Variants in ELL observed in about 807,000 individuals in gnomAD.
The protein encoded by ELL is elongation factor for RNA polymerase II, also known as RNA polymerase II elongation factor ELL.
ELL carries 18 observed loss-of-function variants against 64.0 expected under a neutral mutation model. That is an observed-to-expected ratio of 0.28 (90% CI 0.19 to 0.42). The LOEUF is 0.42. ELL is among the 10% of genes least tolerant of loss of function. The pLI is 1.00. For missense variants in ELL, 797 were observed against 870.4 expected (o/e 0.92, Z 1.06); for synonymous variants, 399 against 376.2 (o/e 1.06, Z -0.70).
chr19:18,450,006 C>T (rs932949906), intron 8 of ELL, among the ~76,000 whole-genome samples: 1 of 152,186 alleles, frequency 6.6e-6, no homozygotes, highest in Admixed American at 6.5e-5. Context: ...AGGTGCTATC[C>T]CTCTCCCACC....
intron 1 of ELL, among the ~76,000 whole-genome samples, chr19:18,509,704 G>A (rs1303335430): frequency 6.7e-6 from 1 of 150,198 alleles, no homozygotes; most frequent in African/African-American, 2.4e-5. Context: ...GAAGTAGGTG[G>A]ATTCCACCTG....
In ELL at chr19:18,443,966, C is replaced by T; in HGVS notation, c.*786G>A. The T allele has an allele frequency of 4.3e-6, 1 of 232,414 alleles. No individual in the cohort carries two copies. Among genetic ancestry groups the T allele is most frequent in the East Asian group, 6.1e-5 (1 of 16,446 alleles). The allele number at this position is 232,414 out of a possible 1,614,324, so 14.4% of individuals were successfully genotyped here. A position where few individuals can be genotyped will look rare whatever the true frequency, so the allele number is the denominator to read the frequency against. ...CGCAAAGAAAAGTCTGACGCCGCTG[C>T]GGCCGAGTCTCAACTTGGAGCACAG... is the stretch of plus-strand genomic sequence containing the variant. On this transcript the variant is annotated 3_prime_UTR_variant, in exon 12 of 12. Transcript: ENST00000262809.
intron 11 of ELL, 137 bp downstream of exon 11, chr19:18,445,087 G>A: frequency 1.5e-6 from 2 of 1,291,526 alleles, no homozygotes; most frequent in Non-Finnish European, 2.2e-6. Context: ...GGGTGGTGGG[G>A]CAACTTTGGC....
intron 1 of ELL, among the ~76,000 whole-genome samples, chr19:18,513,390 T>C (rs924740405): frequency 1.3e-5 from 2 of 152,190 alleles, no homozygotes; most frequent in African/African-American, 4.8e-5. Flanking sequence ...GGCTCCACGA[T>C]GCACAGAAGG....
At position 18,509,703 on chromosome 19, in the gene ELL, G is replaced by A. The variant is rs978628487; in HGVS notation, c.135+12218C>T. On this transcript the variant is annotated intron_variant, in intron 1 of 11. Coordinates refer to ENST00000262809, the MANE Select transcript of ELL (RefSeq NM_006532.4). The stretch of plus-strand genomic sequence containing the variant: ...CCTGGGGCTCCTCCTGGAAGTAGGT[G>A]GATTCCACCTGCCCACAGGATCCTA... 1.8e-4 allele frequency among the ~76,000 whole-genome samples: 27 copies of A among 150,586 alleles called. 1 individual carries two copies. The highest frequency in any genetic ancestry group is 5.8e-4 in the African/African-American group (24 of 41,078).
In ELL at chr19:18,461,075, C is replaced by T. The variant is rs182563555; in HGVS notation, c.744+503G>A. Reference sequence around the variant, plus strand: ...CAGCACCACATTCCAGATGGCCTAGCCTCCAACCCCAGGGAGGGGCACTGC... The same window carrying T: ...CAGCACCACATTCCAGATGGCCTAGTCTCCAACCCCAGGGAGGGGCACTGC... On this transcript the variant is annotated intron_variant, in intron 5 of 11. Transcript: ENST00000262809. Among the ~76,000 whole-genome samples, 55 of 152,342 alleles carry T rather than the reference C, an allele frequency of 3.6e-4. No homozygotes were observed. The East Asian group carries it at 9.2e-3, about 26-fold the overall frequency.
intron 1 of ELL, among the ~76,000 whole-genome samples, chr19:18,492,166 G>A (rs1425281105): frequency 6.6e-6 from 1 of 152,012 alleles, no homozygotes; most frequent in East Asian, 1.9e-4. Context: ...GAGGATCCAG[G>A]CTCCACCCGG....
At chr19:18,480,442 C>T (rs1975275353) in intron 1 of ELL, among the ~76,000 whole-genome samples, 1 of 152,202 alleles carries the variant, frequency 6.6e-6, no homozygotes, top group Non-Finnish European at 1.5e-5. Flanking sequence ...GTGGACCTCA[C>T]TGGTTCCAGC....
intron 1 of ELL, among the ~76,000 whole-genome samples, chr19:18,492,881 G>A (rs566170359): frequency 1.5e-4 from 23 of 152,246 alleles, no homozygotes; most frequent in African/African-American, 5.3e-4. Context: ...ATGGGGCCGT[G>A]AAGTCCCACT....
At position 18,449,878 on chromosome 19, in the gene ELL, T is replaced by G. The variant is rs180695147; in HGVS notation, c.1465+599A>C. On this transcript the variant is annotated intron_variant, in intron 8 of 11. Transcript: ENST00000262809. This position sits in a 1 kb window ranked among gnomAD's most constrained non-coding sequence, Gnocchi z 4.4. ...GCTACTGCTGCTCAGTTTAGGTGCC[T>G]GGGCTGTGGTCTCGGAGCCGCCCAG... Among the ~76,000 whole-genome samples, 1 of 152,284 alleles carries G rather than the reference T, an allele frequency of 6.6e-6. No individual in the cohort carries two copies. Among genetic ancestry groups the G allele is most frequent in the Non-Finnish European group, 1.5e-5 (1 of 68,008 alleles).
At chr19:18,508,921 T>A (rs1254736081) in intron 1 of ELL, among the ~76,000 whole-genome samples, 1 of 152,166 alleles carries the variant, frequency 6.6e-6, no homozygotes, top group Non-Finnish European at 1.5e-5. Context: ...CAGCCCACTC[T>A]GTCCGCGTCC....
At chr19:18,495,620 A>G (rs1471337680) in intron 1 of ELL, among the ~76,000 whole-genome samples, 1 of 152,232 alleles carries the variant, frequency 6.6e-6, no homozygotes, top group Non-Finnish European at 1.5e-5. Flanking sequence ...CAGGGCTGGT[A>G]GGCAGAGTGA....
intron 1 of ELL, among the ~76,000 whole-genome samples, chr19:18,521,718 A>G (rs1396866674): frequency 6.6e-6 from 1 of 151,768 alleles, no homozygotes; most frequent in East Asian, 1.9e-4. Context: ...ACCCGCCTGT[A>G]TTGCCTCCTA....
chr19:18,517,626 C>T (rs1051071206), intron 1 of ELL, among the ~76,000 whole-genome samples: 3 of 151,512 alleles, frequency 2.0e-5, no homozygotes, highest in Non-Finnish European at 2.9e-5. Flanking sequence ...TTTGGGAGGC[C>T]GACACAGGAG....
chr19:18,520,652 C>T (rs1203082805), intron 1 of ELL, among the ~76,000 whole-genome samples: 1 of 151,848 alleles, frequency 6.6e-6, no homozygotes, highest in Admixed American at 6.6e-5. Context: ...TGAACAAGTT[C>T]GGGGCAGGAA....
chr19:18,486,978 C>A (rs539770933), intron 1 of ELL, among the ~76,000 whole-genome samples: 30 of 152,306 alleles, frequency 2.0e-4, no homozygotes, highest in African/African-American at 6.7e-4. Flanking sequence ...CCAAAGCCTT[C>A]CAAGATGCTG....
chr19:18,519,328 T>C (rs1976202871), intron 1 of ELL, among the ~76,000 whole-genome samples: 1 of 152,144 alleles, frequency 6.6e-6, no homozygotes, highest in Admixed American at 6.5e-5. Flanking sequence ...AAACTCTGGC[T>C]TCTGGGTGAT....
chr19:18,491,121 C>T (rs536268836), intron 1 of ELL, among the ~76,000 whole-genome samples: 1 of 152,180 alleles, frequency 6.6e-6, no homozygotes, highest in South Asian at 2.1e-4. Flanking sequence ...CTTGCTCTGT[C>T]GCCCAGTCTG....
At chr19:18,445,110 G>T in intron 11 of ELL, 114 bp downstream of exon 11, 1 of 1,457,040 alleles carries the variant, frequency 6.9e-7, no homozygotes, top group Non-Finnish European at 9.6e-7. Context: ...CAGACTCAAA[G>T]GCTCTTCCCC....
Sources: allele counts gnomAD v4.1 joint callset (sites outside exome capture counted in the v4.1 genomes callset), GRCh38; gene constraint gnomAD v4.1.1; non-coding constraint Gnocchi (gnomAD v3.1); transcripts MANE v1.5; gene names NCBI Gene and HGNC (gene_info 2026-07-23, HGNC 2026-07-21).